Variants in SLCO2A1 observed in about 807,000 individuals in gnomAD.
SLCO2A1 encodes the protein matrin F/G 1.
SLCO2A1 carries 60 observed loss-of-function variants against 71.7 expected under a neutral mutation model. That is an observed-to-expected ratio of 0.84 (90% confidence interval 0.68 to 1.04). The LOEUF (loss-of-function observed/expected upper bound fraction) is 1.04. Among genes scored for constraint, SLCO2A1 ranks in the 50% least tolerant of loss-of-function variants. The pLI, the probability that SLCO2A1 is intolerant of heterozygous loss-of-function variation, is 0.00. For synonymous variants in SLCO2A1, 308 were observed against 326.7 expected, an observed-to-expected ratio of 0.94 and a Z score of 0.62; for missense variants, 745 against 813.4, an observed-to-expected ratio of 0.92 and a Z score of 1.02.
chr3:133,997,150 C>T (rs766426876), intron 1 of SLCO2A1, among the ~76,000 whole-genome samples: 2 of 152,164 alleles, frequency 1.3e-5, no homozygotes, highest in Non-Finnish European at 2.9e-5. Context: ...GGGATCTCCA[C>T]TTCCCTCCCC....
Position 133,955,182 on chromosome 3 carries a change from G to C in SLCO2A1, c.409C>G (p.Arg137Gly). The C allele has an allele frequency of 6.2e-7, 1 of 1,613,186 alleles. No homozygotes were observed. The highest frequency in any genetic ancestry group is 8.5e-7 in the Non-Finnish European group (1 of 1,179,664). ...TTCTGGCAGAGCTCGGCCTGCAAGC[G>C]GCTGTTGTTCCCTGCAACGAGAGTG... ...YTLASTGNNS[R>G]LQAELCQKHW... Residue 137 changes from arginine (R) to glycine (G), a missense_variant, in exon 4 of 14, where the codon CGC (arginine) becomes GGC (glycine). Physicochemically the swap from Arg to Gly is moderately radical, Grantham distance 125. Transcript: ENST00000310926.
chr3:133,976,392 T>G (rs772625428), intron 2 of SLCO2A1, among the ~76,000 whole-genome samples: 3 of 152,054 alleles, frequency 2.0e-5, no homozygotes, highest in Non-Finnish European at 2.9e-5. Context: ...TGGGTGAGGG[T>G]CAGTGGAGGG....
intron 8 of SLCO2A1, among the ~76,000 whole-genome samples, chr3:133,947,652 T>C (rs1278571209): frequency 2.0e-5 from 3 of 152,210 alleles, no homozygotes; most frequent in African/African-American, 4.8e-5. Flanking sequence ...CAGGATTGCC[T>C]TGCCTACACA....
intron 1 of SLCO2A1, among the ~76,000 whole-genome samples, chr3:133,990,030 G>A (rs568648160): frequency 9.8e-5 from 15 of 152,316 alleles, no homozygotes; most frequent in East Asian, 1.9e-4. Flanking sequence ...TGTGTTTTCC[G>A]TGGGGTAAAG....
intron 6 of SLCO2A1, 31 bp from the exon 7 acceptor site, chr3:133,949,002 G>A (rs762862005): frequency 1.3e-5 from 20 of 1,584,338 alleles, no homozygotes; most frequent in East Asian, 6.7e-5. Context: ...GAGTGTTCAC[G>A]GCCCAGGCTC....
At position 133,947,284 on chromosome 3, in the gene SLCO2A1, G is replaced by C; in HGVS notation, c.1267C>G (p.Pro423Ala). ...VPLFFMGCST[P>A]TVAEVYPPST... is the part of the protein sequence containing the mutation. The stretch of plus-strand genomic sequence containing the variant: ...GGGGGGTAGACTTCGGCCACAGTTG[G>C]GGTGGAGCATCCCATGAAGAACAAA... Residue 423 changes from proline to alanine, a missense_variant, in exon 9 of 14, where the codon CCA becomes GCA. Pro to Ala is a conservative substitution (Grantham distance 27). Transcript: ENST00000310926. 1 of 1,614,186 alleles carries C rather than the reference G, an allele frequency of 6.2e-7. No individual in the cohort carries two copies. The highest frequency in any genetic ancestry group is 8.5e-7 in the Non-Finnish European group (1 of 1,180,030).
chr3:134,006,447 C>T (rs1935217335), intron 1 of SLCO2A1, among the ~76,000 whole-genome samples: 1 of 152,152 alleles, frequency 6.6e-6, no homozygotes, highest in Admixed American at 6.5e-5. Context: ...AAAACTGAGA[C>T]TCTATACCCC....
chr3:134,029,748 G>C lies in SLCO2A1; in HGVS notation c.55C>G (p.Arg19Gly), dbSNP rs1026123572. The C allele has an allele frequency of 1.9e-6, 3 of 1,585,410 alleles. No individual in the cohort carries two copies. Among genetic ancestry groups the C allele is most frequent in the Non-Finnish European group, 2.6e-6 (3 of 1,170,336 alleles). ...ACCGAGCGGGCACAGCGGCCGGCTC[G>C]GCTAGTAGAGGTGTCGCTGCCCTGG... ...ASQGSDTSTSRAGRCARSVFG... is the reference protein window; with the variant it reads ...ASQGSDTSTSGAGRCARSVFG... The change falls in exon 1 of 14, where the codon CGA becomes GGA. Residue 19 changes from arginine to glycine, a missense_variant. Arg to Gly is a moderately radical substitution (Grantham distance 125, BLOSUM62 -2). Coordinates refer to ENST00000310926, the MANE Select transcript of SLCO2A1 (RefSeq NM_005630.3).
chr3:133,982,810 G>T (rs182606862), intron 1 of SLCO2A1, among the ~76,000 whole-genome samples: 1 of 151,998 alleles, frequency 6.6e-6, no homozygotes, highest in African/African-American at 2.4e-5. Flanking sequence ...ACCCCAGGGG[G>T]AGCTTTCTCA....
chr3:133,955,601 C>T (rs529018215), intron 3 of SLCO2A1, among the ~76,000 whole-genome samples: 115 of 152,256 alleles, frequency 7.6e-4, no homozygotes, highest in Middle Eastern at 3.4e-3. Flanking sequence ...CCAGGCCCGT[C>T]GGCCTCCAGC....
At chr3:133,972,500 A>C (rs943021182) in intron 3 of SLCO2A1, among the ~76,000 whole-genome samples, 1 of 152,252 alleles carries the variant, frequency 6.6e-6, no homozygotes, top group African/African-American at 2.4e-5. Flanking sequence ...AAATTAAAGA[A>C]AAACTCTAAT....
At chr3:133,980,111 C>A (rs898070931) in intron 1 of SLCO2A1, among the ~76,000 whole-genome samples, 11 of 152,220 alleles carry the variant, frequency 7.2e-5, no homozygotes, top group Non-Finnish European at 2.9e-5. Context: ...GACCTGTCTT[C>A]CATTCCCAAC....
intron 1 of SLCO2A1, among the ~76,000 whole-genome samples, chr3:133,982,533 T>C (rs1345731214): frequency 6.6e-6 from 1 of 152,180 alleles, no homozygotes; most frequent in Non-Finnish European, 1.5e-5. Flanking sequence ...CCCCATAAAC[T>C]GCTCCCATTT....
chr3:133,944,946 A>G, intron 10 of SLCO2A1, 149 bp downstream of exon 10: 1 of 897,374 alleles, frequency 1.1e-6, no homozygotes. Context: ...GAGAGGTTGG[A>G]TGTGGCTCAG....
At chr3:133,965,453 T>C (rs28547582) in intron 3 of SLCO2A1, among the ~76,000 whole-genome samples, 16,755 of 152,232 alleles carry the variant, frequency 0.11, 1,258 homozygotes, top group Non-Finnish European at 0.16. Context: ...AGGAAACTGC[T>C]TACAAATGTG....
At chr3:133,943,916 T>A (rs1933496550) in intron 10 of SLCO2A1, among the ~76,000 whole-genome samples, 1 of 152,236 alleles carries the variant, frequency 6.6e-6, no homozygotes, top group Admixed American at 6.5e-5. Flanking sequence ...CCATATGGGC[T>A]TAAGGGAATA....
chr3:133,984,513 G>A (rs1326810336), intron 1 of SLCO2A1, among the ~76,000 whole-genome samples: 1 of 152,184 alleles, frequency 6.6e-6, no homozygotes, highest in East Asian at 1.9e-4. Flanking sequence ...GTCGATGGAT[G>A]GTTCTGTCAG....
At chr3:133,969,726 G>A (rs936797203) in intron 3 of SLCO2A1, among the ~76,000 whole-genome samples, 13 of 152,114 alleles carry the variant, frequency 8.5e-5, no homozygotes, top group Non-Finnish European at 1.6e-4. Flanking sequence ...AGGTATTCTT[G>A]CTCCCATTTT....
intron 1 of SLCO2A1, among the ~76,000 whole-genome samples, chr3:134,012,295 G>A (rs1935360936): frequency 6.6e-6 from 1 of 152,176 alleles, no homozygotes; most frequent in South Asian, 2.1e-4. Flanking sequence ...AAGTGACCAG[G>A]AAGTAATGGG....
Sources: allele counts gnomAD v4.1 joint callset (sites outside exome capture counted in the v4.1 genomes callset), GRCh38; gene constraint gnomAD v4.1.1; transcripts MANE v1.5; gene names NCBI Gene and HGNC (gene_info 2026-07-23, HGNC 2026-07-21).